ELP1: variants seen among roughly 807,000 people sequenced by gnomAD.
ELP1 encodes elongator complex protein 1.
A neutral mutation model predicts 183.2 loss-of-function variants in ELP1; 131 were observed. The observed-to-expected ratio is 0.72, with a 90% CI of 0.62 to 0.83. ELP1 has a LOEUF of 0.83. Among genes scored for constraint, ELP1 ranks in the 40% least tolerant of loss-of-function variants. ELP1 has a pLI of 0.00. For missense variants in ELP1, 1,550 were observed against 1,594.9 expected (o/e 0.97, Z 0.48); for synonymous variants, 555 against 569.0 (o/e 0.98, Z 0.35).
At position 108,898,717 on chromosome 9, in the gene ELP1, C is replaced by T. The variant is rs1387458399; in HGVS notation, c.2237G>A (p.Arg746Lys). ...LMFKEAFECM[R>K]KLRINLNLIY... ...CAGATTGAGATTGATTCTCAGCTTT[C>T]TCATGCATTCAAATGCCTCTTTAAA... Residue 746 changes from arginine to lysine, a missense_variant, in exon 21 of 37, where the codon AGA (arginine) becomes AAA (lysine). By Grantham distance (26) the Arg-to-Lys change is conservative. Coordinates refer to ENST00000374647, the MANE Select transcript of ELP1 (RefSeq NM_003640.5). 2 of 1,612,602 alleles carry T rather than the reference C, an allele frequency of 1.2e-6. No individual in the cohort carries two copies. The highest frequency in any genetic ancestry group is 4.5e-5 in the East Asian group (2 of 44,828).
Position 108,918,888 on chromosome 9 carries a change from G to A in ELP1, c.663C>T (p.Val221=), listed in dbSNP as rs1453507748. 9.3e-6 allele frequency: 15 copies of A among 1,613,878 alleles called. No individual in the cohort carries two copies. The highest frequency in any genetic ancestry group is 1.3e-5 in the Non-Finnish European group (15 of 1,179,896). ...AAGCAAACTCTCGGTTCCACACTCT[G>A]ACCTTCCGAGCCCCTGTGCGGGAGT... The part of the protein sequence containing the change: ...VVCPETGARK[V]RVWNREFALQ... The change falls in exon 8 of 37, where the codon GTC becomes GTT. Residue 221 remains valine, a synonymous_variant. Transcript: ENST00000374647.
chr9:108,933,960 G>C lies in ELP1; in HGVS notation c.-152C>G. ...GCTCCCACAGTCCGCACCCAGAGTC[G>C]GCTCCGAATTGCGCACGCGTCTCTG... On this transcript the variant is annotated 5_prime_UTR_variant, in exon 1 of 37. Coordinates refer to ENST00000374647, the MANE Select transcript of ELP1 (RefSeq NM_003640.5). The C allele has an allele frequency of 6.3e-6, 1 of 157,988 alleles. No homozygotes were observed. Among genetic ancestry groups the C allele is most frequent in the East Asian group, 1.9e-4 (1 of 5,194 alleles). 9.8% of individuals were successfully genotyped at this position (157,988 alleles called of 1,614,324 possible). A position where few individuals can be genotyped will look rare whatever the true frequency, so the allele number is the denominator to read the frequency against.
chr9:108,911,050 A>T lies in ELP1; in HGVS notation c.1320T>A (p.Ala440=), dbSNP rs745616203. 23 of 1,614,088 alleles carry T rather than the reference A, an allele frequency of 1.4e-5. No homozygotes were observed. In the Admixed American group the frequency reaches 3.8e-4, roughly 27 times the overall value. Reference sequence around the variant, plus strand: ...AAATCTGGTTACTGGCATCTAGAACAGCAAGGTCATTACTCTTTTGAGGGT... The same window carrying T: ...AAATCTGGTTACTGGCATCTAGAACTGCAAGGTCATTACTCTTTTGAGGGT... ...LAHPQKSNDL[A]VLDASNQISV... is the part of the protein sequence containing the mutation. Residue 440 remains alanine, a synonymous_variant, in exon 12 of 37, where the codon GCT becomes GCA. Coordinates refer to ENST00000374647, the MANE Select transcript of ELP1 (RefSeq NM_003640.5).
In ELP1 at chr9:108,929,918, T is replaced by C. The variant is rs143494120; in HGVS notation, c.154A>G (p.Lys52Glu). 4.7e-5 allele frequency: 76 copies of C among 1,613,454 alleles called. No homozygotes were observed. The highest frequency in any genetic ancestry group is 6.0e-5 in the Non-Finnish European group (71 of 1,180,038). ...IEVDPVSREV[K>E]NEVSLVAEGF... is the part of the protein sequence containing the mutation. ...TCTGCCACCAAAGAAACTTCATTTT[T>C]CACCTTTCACCAAAGTAAACACAAG... is the stretch of plus-strand genomic sequence containing the variant. Residue 52 changes from lysine (K) to glutamate (E), a missense_variant, in exon 3 of 37, where the codon AAA becomes GAA. Transcript: ENST00000374647.
intron 2 of ELP1, among the ~76,000 whole-genome samples, chr9:108,930,690 CAAAAA>C (rs5899828): frequency 2.8e-5 from 2 of 72,600 alleles, no homozygotes; most frequent in Admixed American, 1.5e-4. Context: ...GACTCCGTCT[CAAAAA>C]AAAAAAAAAA....
chr9:108,892,842 C>A, intron 27 of ELP1, 144 bp downstream of exon 27: 2 of 703,364 alleles, frequency 2.8e-6, no homozygotes, highest in South Asian at 1.5e-5. Context: ...ACCATTCTCC[C>A]AGATAAGAAG....
chr9:108,896,739 A>G, intron 24 of ELP1, 95 bp from the exon 25 acceptor site: 2 of 1,262,030 alleles, frequency 1.6e-6, no homozygotes, highest in Non-Finnish European at 2.3e-6. Context: ...AATTTTTCTC[A>G]ATAGAACTGG....
chr9:108,867,944 G>A lies in ELP1; in HGVS notation c.*1171C>T, dbSNP rs913905319. 2.0e-5 allele frequency: 3 copies of A among 152,236 alleles called. No homozygotes were observed. Among genetic ancestry groups the A allele is most frequent in the African/African-American group, 7.2e-5 (3 of 41,446 alleles). The allele number at this position is 152,236 out of a possible 1,614,324, so 9.4% of individuals were successfully genotyped here. On this transcript the variant is annotated 3_prime_UTR_variant, in exon 37 of 37. Transcript: ENST00000374647. ...CTGTTAGTTTATGTACAGTGCTGTA[G>A]TTTAGGCATTTGTTTCCCTAAACCT...
Position 108,926,555 on chromosome 9 carries a change from T to C in ELP1, c.434A>G (p.Glu145Gly), listed in dbSNP as rs773466412. Residue 145 changes from glutamate to glycine, a missense_variant, in exon 5 of 37, where the codon GAG (glutamate) becomes GGG (glycine). Transcript: ENST00000374647. ...AAAATCATCCTGATGGATCTGCTGC[T>C]CCAGGATTGGCTCAAAATCTTTTGT... ...MMTKDFEPIL[E>G]QQIHQDDFGE... The C allele has an allele frequency of 1.2e-6, 2 of 1,613,198 alleles. No homozygotes were observed. The highest frequency in any genetic ancestry group is 3.3e-5 in the Admixed American group (2 of 60,006).
chr9:108,872,957 GTAAT>G (rs1827545756), intron 36 of ELP1, among the ~76,000 whole-genome samples: 2 of 151,822 alleles, frequency 1.3e-5, no homozygotes, highest in South Asian at 4.2e-4. Flanking sequence ...GGGCAAGAAA[GTAAT>G]TATTCTGACA....
At chr9:108,892,094 G>C (rs1828362764) in intron 27 of ELP1, among the ~76,000 whole-genome samples, 1 of 152,204 alleles carries the variant, frequency 6.6e-6, no homozygotes, top group Non-Finnish European at 1.5e-5. Flanking sequence ...TGCCCTTAAG[G>C]AGCCCACAGC....
intron 29 of ELP1, among the ~76,000 whole-genome samples, chr9:108,885,654 C>T (rs1347128571): frequency 6.6e-6 from 1 of 152,196 alleles, no homozygotes; most frequent in African/African-American, 2.4e-5. Context: ...CTGATCAAAG[C>T]AACAAGTCAA....
intron 25 of ELP1, among the ~76,000 whole-genome samples, chr9:108,896,170 T>C (rs1246990939): frequency 6.6e-6 from 1 of 151,916 alleles, no homozygotes; most frequent in Non-Finnish European, 1.5e-5. Context: ...GGCAGGAGAA[T>C]GGCGTGAACA....
At position 108,882,158 on chromosome 9, in the gene ELP1, T is replaced by C. The variant is rs1474997133; in HGVS notation, c.3252A>G (p.Leu1084=). The part of the protein sequence containing the change: ...QDYEEAVLLL[L]EGAAWEEALR... ...AAGCTTCTTCCCAGGCAGCTCCTTC[T>C]AACAGCAAGAGCACAGCTTCTTCAT... Residue 1084 remains leucine, a synonymous_variant, in exon 30 of 37, where the codon TTA becomes TTG. Coordinates refer to ENST00000374647, the MANE Select transcript of ELP1 (RefSeq NM_003640.5). The C allele has an allele frequency of 4.3e-6, 7 of 1,613,550 alleles. No homozygotes were observed. The highest frequency in any genetic ancestry group is 5.9e-6 in the Non-Finnish European group (7 of 1,179,864).
intron 32 of ELP1, 84 bp from the exon 33 acceptor site, chr9:108,879,641 G>C (rs1827844029): frequency 1.2e-6 from 1 of 849,850 alleles, no homozygotes. Flanking sequence ...GAACTAACTA[G>C]AGTCAACTGG....
At chr9:108,874,003 T>A (rs4978372) in intron 36 of ELP1, among the ~76,000 whole-genome samples, 29,977 of 152,132 alleles carry the variant, frequency 0.2, 3,244 homozygotes, top group East Asian at 0.33. Flanking sequence ...TTAGCTGGGA[T>A]GGAAGGTAGC....
intron 24 of ELP1, 75 bp downstream of exon 24, chr9:108,896,878 T>C (rs889394866): frequency 1.1e-5 from 15 of 1,311,632 alleles, no homozygotes; most frequent in Non-Finnish European, 1.2e-5. Context: ...GGCAATGACA[T>C]GGTGATTGTC....
At chr9:108,927,907 G>A (rs1829870862) in intron 3 of ELP1, among the ~76,000 whole-genome samples, 2 of 152,208 alleles carry the variant, frequency 1.3e-5, no homozygotes, top group Non-Finnish European at 2.9e-5. Context: ...GTGAGGGGCT[G>A]AGGGAAGTTG....
chr9:108,906,371 C>T lies in ELP1; in HGVS notation c.1575G>A (p.Arg525=). 1.2e-6 allele frequency: 2 copies of T among 1,614,078 alleles called. No homozygotes were observed. Among genetic ancestry groups the T allele is most frequent in the East Asian group, 2.2e-5 (1 of 44,884 alleles). ...LAVSHSEFSP[R]SVIHHLTAAS... ...CTGCAGTCAAATGGTGAATGACAGA[C>T]CGGGGGCTGAACTCACTGTGGCTTA... Residue 525 remains arginine (R), a synonymous_variant, in exon 14 of 37, where the codon CGG becomes CGA. Transcript: ENST00000374647.
Sources: allele counts gnomAD v4.1 joint callset (sites outside exome capture counted in the v4.1 genomes callset), GRCh38; gene constraint gnomAD v4.1.1; transcripts MANE v1.5; gene names NCBI Gene and HGNC (gene_info 2026-07-23, HGNC 2026-07-21).